The following XK variants were observed in gnomAD, a reference collection of about 807,000 sequenced individuals.
XK encodes the protein endoplasmic reticulum membrane adapter protein XK.
In XK, 2 loss-of-function variants were observed where a neutral mutation model predicts 14.0. The observed-to-expected ratio is 0.14, with a 90% CI of 0.06 to 0.45. XK has a LOEUF of 0.45. XK is among the 20% of genes least tolerant of loss of function. XK has a pLI of 0.98. For synonymous variants in XK, 149 were observed against 147.5 expected (o/e 1.01, Z -0.08); for missense variants, 235 against 341.5 (o/e 0.69, Z 2.46).
chrX:37,717,846 T>C (rs782024431), intron 2 of XK, among the ~76,000 whole-genome samples: 82 of 111,995 alleles, frequency 7.3e-4, no homozygotes, highest in African/African-American at 2.6e-3. Flanking sequence ...TAGGGTATCA[T>C]ACTGGTTATA....
chrX:37,707,046 C>G (rs1817214358), intron 2 of XK, among the ~76,000 whole-genome samples: 1 of 112,713 alleles, frequency 8.9e-6, no homozygotes, highest in African/African-American at 3.2e-5. Flanking sequence ...TACACAGACA[C>G]AGCAACCATC....
intron 2 of XK, among the ~76,000 whole-genome samples, chrX:37,707,870 G>A (rs1407222155): frequency 8.9e-6 from 1 of 112,259 alleles, no homozygotes; most frequent in East Asian, 2.8e-4. Context: ...GGAGGTGGAG[G>A]TTGTAGCAAG....
chrX:37,726,803 A>G (rs1233195969), intron 2 of XK, among the ~76,000 whole-genome samples: 3 of 112,318 alleles, frequency 2.7e-5, no homozygotes, highest in Non-Finnish European at 5.6e-5. Context: ...ACTCTCAGTA[A>G]CAGTGAAGTT....
intron 1 of XK, among the ~76,000 whole-genome samples, chrX:37,687,323 A>G (rs781796579): frequency 9.1e-6 from 1 of 109,892 alleles, no homozygotes; most frequent in East Asian, 2.9e-4. Flanking sequence ...GCTGGAGTGC[A>G]GTAGCAAGAT....
chrX:37,701,173 T>G (rs1338447056), intron 2 of XK, among the ~76,000 whole-genome samples: 1 of 112,353 alleles, frequency 8.9e-6, no homozygotes, highest in East Asian at 2.8e-4. Flanking sequence ...TATTTGTAAA[T>G]GTATTCCATT....
chrX:37,719,313 A>G (rs1194611284), intron 2 of XK, among the ~76,000 whole-genome samples: 1 of 111,484 alleles, frequency 9.0e-6, no homozygotes, highest in African/African-American at 3.2e-5. Flanking sequence ...GGTTTTCTTC[A>G]TATTTACCTA....
intron 2 of XK, among the ~76,000 whole-genome samples, chrX:37,719,582 G>T (rs1556448513): frequency 2.7e-5 from 3 of 110,519 alleles, no homozygotes; most frequent in African/African-American, 9.8e-5. Context: ...TATCTAATCT[G>T]CTATTAAACC....
intron 2 of XK, among the ~76,000 whole-genome samples, chrX:37,705,626 T>G (rs932551427): frequency 9.0e-6 from 1 of 111,680 alleles, no homozygotes; most frequent in African/African-American, 3.2e-5. Flanking sequence ...GACAAATCTC[T>G]AGGAACTTCT....
intron 2 of XK, among the ~76,000 whole-genome samples, chrX:37,696,856 C>A (rs1927316224): frequency 1.8e-5 from 2 of 111,980 alleles, no homozygotes; most frequent in South Asian, 7.5e-4. Flanking sequence ...TAGCTACATT[C>A]AAAATAGGAA....
At position 37,686,092 on chromosome X, in the gene XK, C is replaced by G; in HGVS notation, c.131C>G (p.Ser44Trp). The change falls in exon 1 of 3, where the codon TCG (serine) becomes TGG (tryptophan). Residue 44 changes from serine (S) to tryptophan (W), a missense_variant. By Grantham distance (177) the Ser-to-Trp change is radical (BLOSUM62 -3). Transcript: ENST00000378616. Reference protein sequence around the residue: ...RMWQALTLLFSLLPCALVQLT... With the variant: ...RMWQALTLLFWLLPCALVQLT... ...TGGCAGGCGCTGACGTTGCTTTTCTCGCTACTGCCTTGCGCGCTCGTGCAG... is the reference window on the plus strand; with the variant it reads ...TGGCAGGCGCTGACGTTGCTTTTCTGGCTACTGCCTTGCGCGCTCGTGCAG... 2 of 1,211,885 alleles carry G rather than the reference C, an allele frequency of 1.7e-6. No individual in the cohort carries two copies. Among genetic ancestry groups the G allele is most frequent in the Non-Finnish European group, 2.2e-6 (2 of 895,548 alleles).
In XK at chrX:37,710,996, C is replaced by G. The variant is rs781922035; in HGVS notation, c.508+16448C>G. Among the ~76,000 whole-genome samples the G allele has an allele frequency of 4.0e-4, 45 of 111,826 alleles. 1 individual carries two copies. The highest frequency in any genetic ancestry group is 7.1e-4 in the Non-Finnish European group (38 of 53,191). ...ATTGCTGATGCCTGGGTTCCAGAGC[C>G]TGGCAGGGGTCCTCACAGCCTCATC... On this transcript the variant is annotated intron_variant, in intron 2 of 2. Coordinates refer to ENST00000378616, the MANE Select transcript of XK (RefSeq NM_021083.4).
chrX:37,709,238 A>G (rs6610554), intron 2 of XK, among the ~76,000 whole-genome samples: 34,802 of 110,985 alleles, frequency 0.31, 6,197 homozygotes, highest in African/African-American at 0.7. Context: ...TCAGTATTCT[A>G]TCTTACTTAG....
chrX:37,709,150 A>G (rs1306715904), intron 2 of XK, among the ~76,000 whole-genome samples: 2 of 112,062 alleles, frequency 1.8e-5, no homozygotes, highest in Non-Finnish European at 3.8e-5. Flanking sequence ...TACAGACCCA[A>G]AGATAGAGCC....
intron 2 of XK, among the ~76,000 whole-genome samples, chrX:37,713,602 C>CTT (rs781838252): frequency 2.4e-4 from 24 of 101,340 alleles, no homozygotes; most frequent in African/African-American, 8.2e-4. Flanking sequence ...AAGAATGCCT[C>CTT]TTTTTTTTTT....
intron 2 of XK, among the ~76,000 whole-genome samples, chrX:37,697,826 C>T (rs1556442778): frequency 8.9e-6 from 1 of 112,176 alleles, no homozygotes. Flanking sequence ...CTCTTCATTT[C>T]CCCTGCCCCT....
intron 2 of XK, among the ~76,000 whole-genome samples, chrX:37,707,327 G>A (rs1291854190): frequency 2.5e-4 from 28 of 110,005 alleles, no homozygotes; most frequent in Non-Finnish European, 3.8e-4. Flanking sequence ...CCTCCCTCCC[G>A]GACGGGGTGG....
intron 1 of XK, among the ~76,000 whole-genome samples, chrX:37,689,511 G>A (rs1342735828): frequency 1.8e-5 from 2 of 111,983 alleles, no homozygotes; most frequent in East Asian, 2.8e-4. Flanking sequence ...AGCCAAACTC[G>A]TGTTTTTGCT....
chrX:37,706,748 G>T, intron 2 of XK, among the ~76,000 whole-genome samples: 1 of 109,540 alleles, frequency 9.1e-6, no homozygotes. Context: ...GTGAACAAAG[G>T]TCTCTGGTTT....
intron 2 of XK, among the ~76,000 whole-genome samples, chrX:37,696,272 A>T (rs1178527184): frequency 4.4e-5 from 5 of 112,651 alleles, no homozygotes; most frequent in African/African-American, 1.6e-4. Context: ...ACAAAGCCTA[A>T]AATATTTACT....
Sources: gnomAD v4.1 joint callset for allele counts (sites outside exome capture counted in the v4.1 genomes callset) on GRCh38, gnomAD v4.1.1 for gene constraint, MANE v1.5 for transcripts, NCBI Gene and HGNC (gene_info 2026-07-23, HGNC 2026-07-21) for gene names.